Variants in ADAM12 observed in about 807,000 individuals in gnomAD.
ADAM12 encodes ADAM metallopeptidase domain 12.
In ADAM12, 70 loss-of-function variants were observed where a neutral mutation model predicts 106.4. That is an observed-to-expected ratio of 0.66 (90% CI 0.54 to 0.80). The LOEUF is 0.80. ADAM12 is among the 30% of genes least tolerant of loss of function. The pLI is 0.00. For missense variants in ADAM12, 1,010 were observed against 1,171.9 expected (o/e 0.86, Z 2.02); for synonymous variants, 420 against 433.5 (o/e 0.97, Z 0.39).
chr10:126,138,475 A>G (rs964463243), intron 4 of ADAM12, among the ~76,000 whole-genome samples: 1 of 152,128 alleles, frequency 6.6e-6, no homozygotes, highest in African/African-American at 2.4e-5. Flanking sequence ...CCCGGGTTCA[A>G]GTGATTCTCC....
intron 2 of ADAM12, among the ~76,000 whole-genome samples, chr10:126,323,384 C>T (rs1161731592): frequency 6.6e-6 from 1 of 152,098 alleles, no homozygotes; most frequent in Non-Finnish European, 1.5e-5. Flanking sequence ...GGGCGGTGTC[C>T]CAGGTAAGAT....
At position 126,066,040 on chromosome 10, in the gene ADAM12, T is replaced by C. The variant is rs548909426; in HGVS notation, c.1413+677A>G. Among the ~76,000 whole-genome samples, 4 of 152,316 alleles carry C rather than the reference T, an allele frequency of 2.6e-5. No homozygotes were observed. The East Asian group carries it at 7.7e-4, about 29-fold the overall frequency. ...CACGTGGGGCAGCTAAGAGGGAGTT[T>C]CCTGCAAGCAGAATGTCAGGATCAA... On this transcript the variant is annotated intron_variant, in intron 13 of 22. Transcript: ENST00000448723. This position sits in a 1 kb window ranked among gnomAD's most constrained non-coding sequence, Gnocchi z 5.1.
intron 3 of ADAM12, among the ~76,000 whole-genome samples, chr10:126,173,121 G>A (rs1957149595): frequency 6.6e-6 from 1 of 152,176 alleles, no homozygotes; most frequent in African/African-American, 2.4e-5. Flanking sequence ...TGGGAGGCTA[G>A]GGGAGGGATA....
chr10:126,190,407 T>C (rs931165449), intron 3 of ADAM12, among the ~76,000 whole-genome samples: 5 of 152,206 alleles, frequency 3.3e-5, no homozygotes, highest in African/African-American at 9.6e-5. Flanking sequence ...GGTTTCACCA[T>C]GTTGGCCAGG....
Position 126,043,173 on chromosome 10 carries a change from TG to T in ADAM12, c.1996-26del. 6.2e-7 allele frequency: 1 copy of T among 1,608,252 alleles called. No individual in the cohort carries two copies. Among genetic ancestry groups the T allele is most frequent in the Admixed American group, 1.7e-5 (1 of 59,798 alleles). ...CCTTTCAGGGCAGAGGGGAGGGACG[TG>T]GGGTTAGGGCATATGCTCTGTGCAT... On this transcript the variant is annotated intron_variant, in intron 17 of 22. Coordinates refer to ENST00000448723, the MANE Select transcript of ADAM12 (RefSeq NM_001288973.2). This position sits in a 1 kb window ranked among gnomAD's most constrained non-coding sequence, Gnocchi z 4.1.
At chr10:126,278,316 G>T (rs187220843) in intron 3 of ADAM12, among the ~76,000 whole-genome samples, 2 of 152,106 alleles carry the variant, frequency 1.3e-5, no homozygotes, top group African/African-American at 4.8e-5. Context: ...TTTGTCTTAC[G>T]GTTGGAGGCA....
intron 14 of ADAM12, among the ~76,000 whole-genome samples, chr10:126,050,348 C>T (rs1378787374): frequency 6.6e-6 from 1 of 152,170 alleles, no homozygotes; most frequent in Non-Finnish European, 1.5e-5. Context: ...CTTCCAGCCA[C>T]GGAGAGAGCA....
Position 126,064,089 on chromosome 10 carries a change from T to C in ADAM12, c.1609+717A>G, listed in dbSNP as rs1385592559. ...GTTTGAGCATCATCTTCTGTAAAGC[T>C]TCATAGTCCCCACTTCAGGGGCTTG... On this transcript the variant is annotated intron_variant, in intron 14 of 22. Transcript: ENST00000448723. This position sits in a 1 kb window ranked among gnomAD's most constrained non-coding sequence, Gnocchi z 4.4. 1.3e-5 allele frequency among the ~76,000 whole-genome samples: 2 copies of C among 152,196 alleles called. No homozygotes were observed. The highest frequency in any genetic ancestry group is 2.9e-5 in the Non-Finnish European group (2 of 68,044).
chr10:126,340,366 T>C (rs543336797), intron 1 of ADAM12, among the ~76,000 whole-genome samples: 1 of 152,342 alleles, frequency 6.6e-6, no homozygotes, highest in African/African-American at 2.4e-5. Context: ...CCCATTCTAA[T>C]CTTTTATAAG....
chr10:126,059,534 C>G (rs991216999), intron 14 of ADAM12, among the ~76,000 whole-genome samples: 1 of 152,092 alleles, frequency 6.6e-6, no homozygotes, highest in African/African-American at 2.4e-5. Flanking sequence ...CTCTTTTTTT[C>G]CCATCTGTGG....
intron 4 of ADAM12, among the ~76,000 whole-genome samples, chr10:126,142,028 C>T (rs948820187): frequency 1.2e-4 from 18 of 152,166 alleles, no homozygotes; most frequent in Non-Finnish European, 2.2e-4. Flanking sequence ...AGCTGGTTAA[C>T]GGTAGGGCAG....
intron 3 of ADAM12, among the ~76,000 whole-genome samples, chr10:126,199,850 G>A (rs1168460456): frequency 6.6e-6 from 1 of 152,050 alleles, no homozygotes; most frequent in African/African-American, 2.4e-5. Context: ...AGGCATTAAG[G>A]TTTGTTCTAT....
At chr10:126,356,693 A>C (rs1476008698) in intron 1 of ADAM12, among the ~76,000 whole-genome samples, 2 of 152,258 alleles carry the variant, frequency 1.3e-5, no homozygotes, top group Admixed American at 1.3e-4. Flanking sequence ...AATCCTCTTA[A>C]AGAAATTCTG....
chr10:126,358,100 C>T lies in ADAM12; in HGVS notation c.89-27591G>A, dbSNP rs572046100. Reference sequence around the variant, plus strand: ...GGCTGAGGCAGGAGAATGGCATGAACCCCGGGGGGTGGAACCTGCAGTGAG... The same window carrying T: ...GGCTGAGGCAGGAGAATGGCATGAATCCCGGGGGGTGGAACCTGCAGTGAG... On this transcript the variant is annotated intron_variant, in intron 1 of 22. Transcript: ENST00000448723. Among the ~76,000 whole-genome samples the T allele has an allele frequency of 7.5e-4, 114 of 151,800 alleles. No homozygotes were observed. In the Middle Eastern group the frequency reaches 0.014, roughly 18 times the overall value.
chr10:126,093,257 T>C (rs1005472449), intron 11 of ADAM12, among the ~76,000 whole-genome samples: 1 of 152,194 alleles, frequency 6.6e-6, no homozygotes, highest in African/African-American at 2.4e-5. Flanking sequence ...CCTTTATAGA[T>C]ATAAGAACAC....
chr10:126,149,791 T>C (rs1479289523), intron 4 of ADAM12, among the ~76,000 whole-genome samples: 2 of 152,230 alleles, frequency 1.3e-5, no homozygotes, highest in African/African-American at 4.8e-5. Context: ...AGCCACAGAC[T>C]GAAGGCTGCA....
chr10:126,088,220 G>A (rs1276877068), intron 11 of ADAM12, among the ~76,000 whole-genome samples: 2 of 152,102 alleles, frequency 1.3e-5, no homozygotes, highest in African/African-American at 4.8e-5. Context: ...ATCCTGCCTT[G>A]TGTTTCTGTG....
intron 21 of ADAM12, among the ~76,000 whole-genome samples, chr10:126,029,009 C>T (rs1441125277): frequency 6.6e-6 from 1 of 152,314 alleles, no homozygotes; most frequent in East Asian, 1.9e-4. Flanking sequence ...AAAAGCTCAA[C>T]ATCACTGATC....
chr10:126,083,186 C>A (rs1237711502), intron 11 of ADAM12, among the ~76,000 whole-genome samples: 3 of 152,218 alleles, frequency 2.0e-5, no homozygotes, highest in African/African-American at 7.2e-5. Flanking sequence ...TGCTGGGGAC[C>A]AGAAGCCTGG....
Sources: gnomAD v4.1 joint callset for allele counts (sites outside exome capture counted in the v4.1 genomes callset) on GRCh38, gnomAD v4.1.1 for gene constraint, Gnocchi (gnomAD v3.1) non-coding constraint, MANE v1.5 for transcripts, NCBI Gene and HGNC (gene_info 2026-07-23, HGNC 2026-07-21) for gene names.